Variants in RILPL1 observed in about 807,000 individuals in gnomAD.
RILPL1 encodes the protein Rab interacting lysosomal protein like 1, also known as RILP-like protein 1.
In RILPL1, 33 loss-of-function variants were observed where a neutral mutation model predicts 50.3. The observed-to-expected ratio is 0.66, with a 90% CI of 0.50 to 0.88. The LOEUF (loss-of-function observed/expected upper bound fraction) is 0.88. RILPL1 is among the 40% of genes least tolerant of loss of function. The pLI is 0.00. For missense variants in RILPL1, 418 were observed against 542.5 expected (o/e 0.77, Z 2.28); for synonymous variants, 205 against 228.6 (o/e 0.90, Z 0.93).
At position 123,472,637 on chromosome 12, in the gene RILPL1, C is replaced by G; in HGVS notation, c.1113G>C (p.Gln371His). ...SRDKKRLANT[Q>H]RNVHIQESFG... ...AGGACTCCTGGATGTGCACGTTTCT[C>G]TGTGTGTTGGCCAGGCGCTTCTTAT... The change falls in exon 7 of 7, where the codon CAG becomes CAC. Residue 371 changes from glutamine to histidine, a missense_variant. Physicochemically the swap from Gln to His is conservative, Grantham distance 24. Coordinates refer to ENST00000376874, the MANE Select transcript of RILPL1 (RefSeq NM_178314.5). 6.3e-7 allele frequency: 1 copy of G among 1,596,216 alleles called. No homozygotes were observed. The highest frequency in any genetic ancestry group is 8.5e-7 in the Non-Finnish European group (1 of 1,171,390).
chr12:123,494,980 G>A (rs184272000), intron 4 of RILPL1, among the ~76,000 whole-genome samples: 67 of 152,226 alleles, frequency 4.4e-4, no homozygotes, highest in African/African-American at 6.5e-4. Context: ...AGTCACTGCC[G>A]TTTTCTTCTG....
rs1881242571 is a variant in RILPL1 at position 123,472,326 on chromosome 12, C to T, written c.*212G>A. On this transcript the variant is annotated 3_prime_UTR_variant, in exon 7 of 7. Transcript: ENST00000376874. ...CGGGATCAGAGTCATCTATTAGAAA[C>T]AGTGATAGCCCTGGGTATAAATAAA... The T allele has an allele frequency of 5.5e-6, 3 of 541,242 alleles. No homozygotes were observed. The highest frequency in any genetic ancestry group is 3.2e-5 in the Admixed American group (1 of 31,686). 33.5% of individuals were successfully genotyped at this position (541,242 alleles called of 1,614,324 possible). A position where few individuals can be genotyped will look rare whatever the true frequency, so the allele number is the denominator to read the frequency against.
chr12:123,491,876 G>A lies in RILPL1; in HGVS notation c.802-6071C>T, dbSNP rs528467906. Among the ~76,000 whole-genome samples the A allele has an allele frequency of 1.3e-4, 19 of 151,934 alleles. No individual in the cohort carries two copies. The highest frequency in any genetic ancestry group is 1.6e-4 in the Non-Finnish European group (11 of 67,966). ...ACAAAAATGAGCTGGGTGTGGTGGC[G>A]CACACCTGTAATCCCAGCTACTCGG... On this transcript the variant is annotated intron_variant, in intron 4 of 6. Coordinates refer to ENST00000376874, the MANE Select transcript of RILPL1 (RefSeq NM_178314.5). The surrounding 1 kb of genome is among the most constrained non-coding windows in gnomAD (Gnocchi z 4.0).
chr12:123,508,694 TAA>T (rs1203522865), intron 2 of RILPL1, among the ~76,000 whole-genome samples: 1 of 152,114 alleles, frequency 6.6e-6, no homozygotes, highest in Non-Finnish European at 1.5e-5. Flanking sequence ...CACTTCACTC[TAA>T]GTTATACCTC....
chr12:123,487,456 G>A (rs143548807), intron 4 of RILPL1, among the ~76,000 whole-genome samples: 391 of 152,126 alleles, frequency 2.6e-3, no homozygotes, highest in Non-Finnish European at 4.8e-3. Flanking sequence ...ACAGGCACCC[G>A]CCATCATGCC....
At chr12:123,523,366 A>G in intron 2 of RILPL1, 129 bp downstream of exon 2, 2 of 1,075,272 alleles carry the variant, frequency 1.9e-6, no homozygotes, top group Non-Finnish European at 2.7e-6. Context: ...AACACAATAC[A>G]GAAGGCAAAG....
chr12:123,506,884 G>T (rs891951021), intron 2 of RILPL1, among the ~76,000 whole-genome samples: 3 of 152,148 alleles, frequency 2.0e-5, no homozygotes, highest in African/African-American at 7.2e-5. Context: ...GACCACTCGG[G>T]TTTCTTCTAG....
intron 2 of RILPL1, among the ~76,000 whole-genome samples, chr12:123,503,187 T>C (rs1883511868): frequency 2.6e-5 from 1 of 38,032 alleles, no homozygotes; most frequent in Non-Finnish European, 5.4e-5. Context: ...ACGCCTGGCC[T>C]TTTTTTTTTT....
chr12:123,480,344 G>T (rs1367578254), intron 6 of RILPL1, among the ~76,000 whole-genome samples: 1 of 151,772 alleles, frequency 6.6e-6, no homozygotes, highest in Non-Finnish European at 1.5e-5. Flanking sequence ...TGTATTTTTA[G>T]TAGAGATGGG....
intron 4 of RILPL1, among the ~76,000 whole-genome samples, chr12:123,490,297 C>T (rs141170156): frequency 2.6e-5 from 4 of 152,258 alleles, no homozygotes; most frequent in Non-Finnish European, 4.4e-5. Context: ...CAAAGCCACC[C>T]GCCCCTATGT....
intron 2 of RILPL1, among the ~76,000 whole-genome samples, chr12:123,501,586 C>T (rs1186582789): frequency 1.3e-5 from 2 of 151,872 alleles, no homozygotes; most frequent in East Asian, 1.9e-4. Context: ...ACTGTGAAAC[C>T]CCGTCTCTAC....
chr12:123,481,472 CA>C (rs1881996444), intron 6 of RILPL1, among the ~76,000 whole-genome samples: 1 of 152,096 alleles, frequency 6.6e-6, no homozygotes, highest in South Asian at 2.1e-4. Flanking sequence ...AAAACCAAGC[CA>C]GGGGTGGAGG....
chr12:123,508,479 AAGCATACACTGT>A lies in RILPL1; in HGVS notation c.461-8955_461-8944del, dbSNP rs1376360646. Among the ~76,000 whole-genome samples, 4 of 152,210 alleles carry A rather than the reference AAGCATACACTGT, an allele frequency of 2.6e-5. No homozygotes were observed. The East Asian group carries it at 7.7e-4, about 29-fold the overall frequency. On this transcript the variant is annotated intron_variant, in intron 2 of 6. Coordinates refer to ENST00000376874, the MANE Select transcript of RILPL1 (RefSeq NM_178314.5). ...ATCTTATGATTTCTCAATTTCCAAA[AAGCATACACTGT>A]ATGATTCCATGTATATGAAGTTCAA...
At chr12:123,482,992 A>G (rs1410479713) in intron 6 of RILPL1, among the ~76,000 whole-genome samples, 1 of 152,196 alleles carries the variant, frequency 6.6e-6, no homozygotes, top group Non-Finnish European at 1.5e-5. Context: ...AGAACTAACC[A>G]AGAATTTCCA....
chr12:123,533,532 A>C lies in RILPL1; in HGVS notation c.-50T>G. 3 of 1,407,076 alleles carry C rather than the reference A, an allele frequency of 2.1e-6. No individual in the cohort carries two copies. The highest frequency in any genetic ancestry group is 2.8e-6 in the Non-Finnish European group (3 of 1,067,680). The allele number at this position is 1,407,076 out of a possible 1,614,324, so 87.2% of individuals were successfully genotyped here. On this transcript the variant is annotated 5_prime_UTR_variant, in exon 1 of 7. Coordinates refer to ENST00000376874, the MANE Select transcript of RILPL1 (RefSeq NM_178314.5). The surrounding 1 kb of genome is among the most constrained non-coding windows in gnomAD (Gnocchi z 6.2). Reference sequence around the variant, plus strand: ...GCCCCGCAAACTCGTGCAACTCCCAAACTTGCCGCTGTCGAGGGCCGGGCC... The same window carrying C: ...GCCCCGCAAACTCGTGCAACTCCCACACTTGCCGCTGTCGAGGGCCGGGCC...
intron 2 of RILPL1, among the ~76,000 whole-genome samples, chr12:123,518,800 T>A (rs1593598484): frequency 6.6e-6 from 1 of 152,084 alleles, no homozygotes; most frequent in East Asian, 1.9e-4. Context: ...GGCTCATGCC[T>A]GTAATCCCAG....
intron 6 of RILPL1, chr12:123,473,567 C>CT (rs1362486098): frequency 2.0e-5 from 3 of 151,994 alleles, no homozygotes; most frequent in Non-Finnish European, 2.9e-5. Context: ...GCATGGTTCT[C>CT]TGATATAAAA....
chr12:123,483,331 G>A (rs2139315449), intron 6 of RILPL1, among the ~76,000 whole-genome samples: 1 of 152,324 alleles, frequency 6.6e-6, no homozygotes, highest in South Asian at 2.1e-4. Context: ...AATGACCCTA[G>A]GCAGGTGCCT....
At chr12:123,532,774 A>G (rs1251167648) in intron 1 of RILPL1, among the ~76,000 whole-genome samples, 1 of 149,080 alleles carries the variant, frequency 6.7e-6, no homozygotes, top group Non-Finnish European at 1.5e-5. Context: ...GGAGGCCAAG[A>G]GGCTTATTTC....
Sources: allele counts gnomAD v4.1 joint callset (sites outside exome capture counted in the v4.1 genomes callset), GRCh38; gene constraint gnomAD v4.1.1; non-coding constraint Gnocchi (gnomAD v3.1); transcripts MANE v1.5; gene names NCBI Gene and HGNC (gene_info 2026-07-23, HGNC 2026-07-21).